The following SAMD3 variants were observed in gnomAD, a reference collection of about 807,000 sequenced individuals.
SAMD3 encodes the protein sterile alpha motif domain containing 3, also known as sterile alpha motif domain-containing protein 3.
Under a neutral mutation model 58.5 loss-of-function variants are expected in SAMD3, and 63 were observed. The observed-to-expected ratio is 1.08, with a 90% confidence interval of 0.88 to 1.33. The LOEUF is 1.33. SAMD3 is among the 40% of genes most tolerant of loss of function. SAMD3 has a pLI of 0.00. For missense variants in SAMD3, 604 were observed against 608.4 expected (o/e 0.99, Z 0.08); for synonymous variants, 220 against 210.3 (o/e 1.05, Z -0.40).
chr6:130,203,796 A>G (rs1794844174), intron 5 of SAMD3, among the ~76,000 whole-genome samples: 1 of 152,238 alleles, frequency 6.6e-6, no homozygotes, highest in South Asian at 2.1e-4. Context: ...TTGAGAAGAC[A>G]AATCACACAT....
At chr6:130,192,659 A>T (rs1793663075) in intron 5 of SAMD3, among the ~76,000 whole-genome samples, 1 of 152,148 alleles carries the variant, frequency 6.6e-6, no homozygotes, top group Non-Finnish European at 1.5e-5. Context: ...ATAAACAGCC[A>T]TGTTGCTCAC....
Position 130,144,774 on chromosome 6 carries a change from T to A in SAMD3, c.1309A>T (p.Lys437Ter). 1 of 1,613,982 alleles carries A rather than the reference T, an allele frequency of 6.2e-7. No homozygotes were observed. The highest frequency in any genetic ancestry group is 8.5e-7 in the Non-Finnish European group (1 of 1,179,960). ...VQVSTPVLEV[K>*]NPFNMEVCEF... Reference sequence around the variant, plus strand: ...CAGACCTCCATGTTGAAAGGGTTTTTAACTTCCAACACAGGTGTGGACACT... The same window carrying A: ...CAGACCTCCATGTTGAAAGGGTTTTAAACTTCCAACACAGGTGTGGACACT... Residue 437 changes from lysine (K) to a stop codon, truncating the protein, a stop_gained, in exon 12 of 12, where the codon AAA becomes TAA. Coordinates refer to ENST00000439090, the MANE Select transcript of SAMD3 (RefSeq NM_001017373.4). LOFTEE classifies it high-confidence loss of function.
chr6:130,168,414 G>A (rs1362303145), intron 8 of SAMD3, among the ~76,000 whole-genome samples: 2 of 152,044 alleles, frequency 1.3e-5, no homozygotes, highest in Admixed American at 1.3e-4. Context: ...CAGCCTGGGC[G>A]ACGAGTGAAA....
intron 1 of SAMD3, among the ~76,000 whole-genome samples, chr6:130,347,710 T>G (rs1306087964): frequency 1.3e-5 from 2 of 151,874 alleles, no homozygotes; most frequent in Non-Finnish European, 2.9e-5. Context: ...ATATTCAAAT[T>G]CAGGAAATAC....
rs1789897550 is a variant in SAMD3 at position 130,157,503 on chromosome 6, A to AT, written c.823-2479dup. ...GCCACCACATCTGGTTAATTTTTGT[A>AT]TTTTTTGTAGAGACAGGTCTTGCCA... On this transcript the variant is annotated intron_variant, in intron 8 of 11. Coordinates refer to ENST00000439090, the MANE Select transcript of SAMD3 (RefSeq NM_001017373.4). 2.6e-5 allele frequency among the ~76,000 whole-genome samples: 4 copies of AT among 152,196 alleles called. No homozygotes were observed. The South Asian group carries it at 8.3e-4, about 32-fold the overall frequency.
At chr6:130,303,372 A>G (rs1485578763) in intron 2 of SAMD3, among the ~76,000 whole-genome samples, 1 of 152,210 alleles carries the variant, frequency 6.6e-6, no homozygotes, top group African/African-American at 2.4e-5. Context: ...GAACTAAAGC[A>G]GCTAGTGTCT....
At chr6:130,189,106 A>C (rs1793284748) in intron 5 of SAMD3, among the ~76,000 whole-genome samples, 1 of 142,058 alleles carries the variant, frequency 7.0e-6, no homozygotes, top group African/African-American at 2.5e-5. Flanking sequence ...AAAAAACCAA[A>C]AAAAAAAAAA....
intron 5 of SAMD3, among the ~76,000 whole-genome samples, chr6:130,207,169 A>AAAAAAAG (rs761201989): frequency 0.35 from 49,550 of 140,368 alleles, 9,794 homozygotes; most frequent in African/African-American, 0.45. Flanking sequence ...CAAAAAAAAA[A>AAAAAAAG]AAAGAAAAAA....
At chr6:130,180,953 C>CTTTTTTTTTTTTTTTTTTTTTTTTTTTT (rs370213784) in intron 7 of SAMD3, among the ~76,000 whole-genome samples, 1 of 117,360 alleles carries the variant, frequency 8.5e-6, no homozygotes. Flanking sequence ...TTCTTTCTTT[C>CTTTTTTTTTTTTTTTTTTTTTTTTTTTT]TTTTTTCTTT....
At chr6:130,192,933 C>G (rs756373185) in intron 5 of SAMD3, among the ~76,000 whole-genome samples, 1 of 152,124 alleles carries the variant, frequency 6.6e-6, no homozygotes, top group Non-Finnish European at 1.5e-5. Flanking sequence ...TCAATCTTGG[C>G]GCCACACTTC....
chr6:130,362,823 G>A (rs948159955), intron 1 of SAMD3, among the ~76,000 whole-genome samples: 3 of 152,110 alleles, frequency 2.0e-5, no homozygotes, highest in African/African-American at 7.2e-5. Flanking sequence ...AAAGAAATTA[G>A]CAACATCTTT....
chr6:130,182,515 C>CA (rs1352938983), intron 7 of SAMD3, among the ~76,000 whole-genome samples: 112 of 105,394 alleles, frequency 1.1e-3, no homozygotes, highest in African/African-American at 4.0e-3. Context: ...CTTGAAAATA[C>CA]AAAAAAAGAA....
At chr6:130,335,540 C>T (rs939888359) in intron 1 of SAMD3, among the ~76,000 whole-genome samples, 2 of 152,234 alleles carry the variant, frequency 1.3e-5, no homozygotes, top group African/African-American at 4.8e-5. Context: ...TGTAAGCCAA[C>T]ATTATCAAAC....
At chr6:130,308,359 T>TATTCTATTCTATTCTATTC (rs1775985135) in intron 2 of SAMD3, among the ~76,000 whole-genome samples, 6 of 24,278 alleles carry the variant, frequency 2.5e-4, no homozygotes, top group Admixed American at 7.9e-4. Flanking sequence ...AATTCTATTC[T>TATTCTATTCTATTCTATTC]ATTCTATTCT....
chr6:130,239,878 A>G (rs1380545480), intron 2 of SAMD3, among the ~76,000 whole-genome samples: 2 of 152,216 alleles, frequency 1.3e-5, no homozygotes, highest in African/African-American at 2.4e-5. Flanking sequence ...TGACCGGAAG[A>G]CAAGCTAGTT....
upstream of SAMD3, among the ~76,000 whole-genome samples, chr6:130,227,020 T>C (rs993471730): frequency 6.6e-6 from 1 of 152,174 alleles, no homozygotes; most frequent in Non-Finnish European, 1.5e-5. Flanking sequence ...TGAGTGACAA[T>C]AAGTATATTC....
intron 2 of SAMD3, among the ~76,000 whole-genome samples, chr6:130,236,307 CA>C (rs1326008780): frequency 3.3e-5 from 5 of 151,900 alleles, no homozygotes; most frequent in Non-Finnish European, 7.4e-5. Context: ...GTGACAAAGA[CA>C]GCGGAAGTTA....
At chr6:130,215,486 C>T (rs1795951403) in intron 2 of SAMD3, 192 bp from the exon 3 acceptor site, 4 of 1,340,372 alleles carry the variant, frequency 3.0e-6, no homozygotes, top group Non-Finnish European at 3.8e-6. Context: ...AAAAATAAGA[C>T]CTGATTTAAA....
At chr6:130,265,922 T>C (rs1289615661) in intron 2 of SAMD3, among the ~76,000 whole-genome samples, 1 of 152,100 alleles carries the variant, frequency 6.6e-6, no homozygotes, top group Non-Finnish European at 1.5e-5. Context: ...TAAGACTGTG[T>C]AAAAATAAAT....
Sources: allele counts gnomAD v4.1 joint callset (sites outside exome capture counted in the v4.1 genomes callset), GRCh38; gene constraint gnomAD v4.1.1; transcripts MANE v1.5; gene names NCBI Gene and HGNC (gene_info 2026-07-23, HGNC 2026-07-21).